Variants in ZNHIT6 observed in about 807,000 individuals in gnomAD.
The protein encoded by ZNHIT6 is box C/D snoRNA protein 1.
Under a neutral mutation model 57.2 loss-of-function variants are expected in ZNHIT6, and 45 were observed. The observed-to-expected ratio is 0.79, with a 90% CI of 0.62 to 1.01. The LOEUF (loss-of-function observed/expected upper bound fraction) is 1.01. ZNHIT6 is among the 50% of genes least tolerant of loss of function. ZNHIT6 has a pLI of 0.00. For missense variants in ZNHIT6, 528 were observed against 567.3 expected, an observed-to-expected ratio of 0.93 and a Z score of 0.70; for synonymous variants, 188 against 190.0, an observed-to-expected ratio of 0.99 and a Z score of 0.09.
At position 85,669,804 on chromosome 1, in the gene ZNHIT6, T is replaced by C. The variant is rs147335508; in HGVS notation, c.1247+7432A>G. Among the ~76,000 whole-genome samples the C allele has an allele frequency of 2.6e-4, 40 of 152,330 alleles. No individual in the cohort carries two copies. The East Asian group carries it at 7.3e-3, about 28-fold the overall frequency. On this transcript the variant is annotated intron_variant, in intron 8 of 9. Transcript: ENST00000370574. The stretch of plus-strand genomic sequence containing the variant: ...TTATGCCTTGTATTTTAAGTATCTA[T>C]CTTTTGCGGTATTTATCACATATCA...
intron 5 of ZNHIT6, among the ~76,000 whole-genome samples, chr1:85,701,576 A>G (rs1662529743): frequency 6.6e-6 from 1 of 152,146 alleles, no homozygotes; most frequent in Admixed American, 6.6e-5. Flanking sequence ...TTCTACATTG[A>G]CAGCTTTTAA....
intron 8 of ZNHIT6, among the ~76,000 whole-genome samples, chr1:85,664,846 T>C (rs1053608603): frequency 5.3e-5 from 8 of 152,192 alleles, no homozygotes; most frequent in Non-Finnish European, 1.0e-4. Context: ...TTTTGTTTTG[T>C]TTTGAGACAC....
At chr1:85,672,147 A>G (rs1230047627) in intron 8 of ZNHIT6, among the ~76,000 whole-genome samples, 1 of 152,174 alleles carries the variant, frequency 6.6e-6, no homozygotes, top group Non-Finnish European at 1.5e-5. Flanking sequence ...TGCCACCCCT[A>G]CATGAAACTC....
intron 8 of ZNHIT6, 77 bp from the exon 9 acceptor site, chr1:85,658,048 T>A: frequency 9.9e-7 from 1 of 1,012,820 alleles, no homozygotes. Context: ...TATATGAGAG[T>A]ATTTTACATT....
At chr1:85,675,819 C>G (rs1431962566) in intron 8 of ZNHIT6, among the ~76,000 whole-genome samples, 1 of 152,108 alleles carries the variant, frequency 6.6e-6, no homozygotes, top group Non-Finnish European at 1.5e-5. Flanking sequence ...GCTGCTTCAC[C>G]CCACACATAA....
rs933319493 is a variant in ZNHIT6 at position 85,650,842 on chromosome 1, C to T, written c.*3216G>A. On this transcript the variant is annotated 3_prime_UTR_variant, in exon 10 of 10. Transcript: ENST00000370574. ...CAGCAAGAATGAGAACTCACTCACC[C>T]CAGTAGGAGGGCATTAGTTTATTCA... 4 of 152,168 alleles carry T rather than the reference C, an allele frequency of 2.6e-5. No individual in the cohort carries two copies. The highest frequency in any genetic ancestry group is 5.9e-5 in the Non-Finnish European group (4 of 68,030). The allele number at this position is 152,168 out of a possible 1,614,324, so 9.4% of individuals were successfully genotyped here.
At chr1:85,686,502 T>C (rs1258167871) in intron 5 of ZNHIT6, among the ~76,000 whole-genome samples, 1 of 152,092 alleles carries the variant, frequency 6.6e-6, no homozygotes. Context: ...AGATTTCTAA[T>C]ACAAAGTTTA....
At chr1:85,690,824 G>C (rs995399855) in intron 5 of ZNHIT6, among the ~76,000 whole-genome samples, 10 of 152,094 alleles carry the variant, frequency 6.6e-5, no homozygotes, top group African/African-American at 1.9e-4. Context: ...TCAGGAAGTC[G>C]AGACCAGCCT....
At chr1:85,676,120 T>C (rs970726746) in intron 8 of ZNHIT6, among the ~76,000 whole-genome samples, 7 of 152,024 alleles carry the variant, frequency 4.6e-5, no homozygotes, top group East Asian at 1.9e-4. Flanking sequence ...GCAGATCACC[T>C]GAGGTCGGGA....
chr1:85,708,319 T>G lies in ZNHIT6; in HGVS notation c.-35A>C. On this transcript the variant is annotated 5_prime_UTR_variant, in exon 1 of 10. Coordinates refer to ENST00000370574, the MANE Select transcript of ZNHIT6 (RefSeq NM_017953.4). ...ATCCTTGGCCTCTGCTGCCACTCTA[T>G]CCTTCAATGTGGCTGCTGCACACCA... The G allele has an allele frequency of 6.4e-7, 1 of 1,557,156 alleles. No homozygotes were observed. The highest frequency in any genetic ancestry group is 8.7e-7 in the Non-Finnish European group (1 of 1,151,626).
rs181439191 is a variant in ZNHIT6 at position 85,649,795 on chromosome 1, A to G, written c.*4263T>C. 2 of 152,298 alleles carry G rather than the reference A, an allele frequency of 1.3e-5. No homozygotes were observed. The highest frequency in any genetic ancestry group is 3.9e-4 in the East Asian group (2 of 5,184). 9.4% of individuals were successfully genotyped at this position (152,298 alleles called of 1,614,324 possible). A position where few individuals can be genotyped will look rare whatever the true frequency, so the allele number is the denominator to read the frequency against. On this transcript the variant is annotated 3_prime_UTR_variant, in exon 10 of 10. Transcript: ENST00000370574. The stretch of plus-strand genomic sequence containing the variant: ...AAATTTCCAAATTGGTAATGGAAAC[A>G]TATGCTATGTGCATCTGCTCAAACT...
At position 85,653,562 on chromosome 1, in the gene ZNHIT6, T is replaced by G. The variant is rs528288700; in HGVS notation, c.*496A>C. On this transcript the variant is annotated 3_prime_UTR_variant, in exon 10 of 10. Coordinates refer to ENST00000370574, the MANE Select transcript of ZNHIT6 (RefSeq NM_017953.4). ...GGAAGGATTGCTTGAGGCCACAAAT[T>G]TGAGACCAGCCTGGGCGAAAGAGCG... is the stretch of plus-strand genomic sequence containing the variant. The G allele has an allele frequency of 6.6e-6, 1 of 152,066 alleles. No individual in the cohort carries two copies. The highest frequency in any genetic ancestry group is 2.4e-5 in the African/African-American group (1 of 41,358). The allele number at this position is 152,066 out of a possible 1,614,324, so 9.4% of individuals were successfully genotyped here.
chr1:85,693,338 CGTGA>C (rs910757021), intron 5 of ZNHIT6, among the ~76,000 whole-genome samples: 18 of 151,842 alleles, frequency 1.2e-4, no homozygotes, highest in South Asian at 2.1e-4. Context: ...AAGCTTACAA[CGTGA>C]GTGAGTAAGT....
chr1:85,663,477 T>C (rs1392599266), intron 8 of ZNHIT6, among the ~76,000 whole-genome samples: 1 of 152,172 alleles, frequency 6.6e-6, no homozygotes, highest in Non-Finnish European at 1.5e-5. Flanking sequence ...CATGTGAAAA[T>C]GTTATAAGCA....
At chr1:85,670,379 CCTG>C (rs1265635605) in intron 8 of ZNHIT6, among the ~76,000 whole-genome samples, 2 of 152,048 alleles carry the variant, frequency 1.3e-5, no homozygotes, top group Non-Finnish European at 2.9e-5. Flanking sequence ...TTGCCCAAGC[CCTG>C]CTTAAGGGTA....
chr1:85,693,978 T>TA (rs1393509456), intron 5 of ZNHIT6, among the ~76,000 whole-genome samples: 1 of 151,792 alleles, frequency 6.6e-6, no homozygotes, highest in Non-Finnish European at 1.5e-5. Flanking sequence ...AAAAAACAGA[T>TA]AAACAAAAAA....
At chr1:85,694,484 C>CG (rs1662304427) in intron 5 of ZNHIT6, among the ~76,000 whole-genome samples, 2 of 146,842 alleles carry the variant, frequency 1.4e-5, no homozygotes, top group South Asian at 4.3e-4. Context: ...TTTTTTGAGA[C>CG]GGAGTCTCGC....
intron 5 of ZNHIT6, among the ~76,000 whole-genome samples, chr1:85,692,579 CA>C (rs781157162): frequency 6.6e-6 from 1 of 152,134 alleles, no homozygotes; most frequent in Non-Finnish European, 1.5e-5. Context: ...TATAATCCCC[CA>C]AAGCTCACAG....
rs371192859 is a variant in ZNHIT6 at position 85,687,281 on chromosome 1, C to CAAAAAAAAAAAAAAAAAAAAAAAAAAAA, written c.1020-6378_1020-6377insTTTTTTTTTTTTTTTTTTTTTTTTTTTT. ...GGTGACAAGAGTGAGAAGACTATCT[C>CAAAAAAAAAAAAAAAAAAAAAAAAAAAA]AAAAAACAAAAAAAAAACAAAAAAA... On this transcript the variant is annotated intron_variant, in intron 5 of 9. Transcript: ENST00000370574. Among the ~76,000 whole-genome samples the CAAAAAAAAAAAAAAAAAAAAAAAAAAAA allele has an allele frequency of 1.5e-4, 5 of 33,602 alleles. 2 individuals are homozygous for CAAAAAAAAAAAAAAAAAAAAAAAAAAAA. Among genetic ancestry groups the CAAAAAAAAAAAAAAAAAAAAAAAAAAAA allele is most frequent in the East Asian group, 2.4e-3 (2 of 822 alleles). The allele number at this position is 33,602 out of a possible 152,430, so 22.0% of individuals were successfully genotyped here.
Sources: gnomAD v4.1 joint callset for allele counts (sites outside exome capture counted in the v4.1 genomes callset) on GRCh38, gnomAD v4.1.1 for gene constraint, MANE v1.5 for transcripts, NCBI Gene and HGNC (gene_info 2026-07-23, HGNC 2026-07-21) for gene names.